HIVEP3: variants seen among roughly 807,000 people sequenced by gnomAD.
HIVEP3 encodes transcription factor HIVEP3.
HIVEP3 carries 49 observed loss-of-function variants against 152.8 expected under a neutral mutation model. That is an observed-to-expected ratio of 0.32 (90% confidence interval 0.26 to 0.41). The LOEUF is 0.41. Ranked by LOEUF, HIVEP3 falls within the 10% of genes least tolerant of loss-of-function variation. The pLI, the probability that HIVEP3 is intolerant of heterozygous loss-of-function variation, is 1.00. For synonymous variants in HIVEP3, 1,269 were observed against 1,289.0 expected, an observed-to-expected ratio of 0.98 and a Z score of 0.33; for missense variants, 2,790 against 3,103.3, an observed-to-expected ratio of 0.90 and a Z score of 2.40.
At chr1:41,619,130 C>T (rs915256721) in intron 3 of HIVEP3, among the ~76,000 whole-genome samples, 1 of 152,136 alleles carries the variant, frequency 6.6e-6, no homozygotes, top group African/African-American at 2.4e-5. Context: ...CTCCTCTGCT[C>T]CTGTGCCCCC....
At position 41,583,273 on chromosome 1, in the gene HIVEP3, G is replaced by C; in HGVS notation, c.1525C>G (p.Leu509Val). 6.2e-7 allele frequency: 1 copy of C among 1,613,402 alleles called. No individual in the cohort carries two copies. The highest frequency in any genetic ancestry group is 8.5e-7 in the Non-Finnish European group (1 of 1,179,824). The change falls in exon 4 of 9, where the codon CTG becomes GTG. Residue 509 changes from leucine to valine, a missense_variant. Physicochemically the swap from Leu to Val is conservative, Grantham distance 32. Transcript: ENST00000372583. The surrounding 1 kb of genome is among the most constrained non-coding windows in gnomAD (Gnocchi z 6.9). ...SPKSSLYREP[L>V]SSHSEKTKPE... ...TTGGTTTTCTCACTGTGGGATGACA[G>C]GGGCTCCCGGTAGAGGCTGGATTTT... is the stretch of plus-strand genomic sequence containing the variant.
intron 2 of HIVEP3, among the ~76,000 whole-genome samples, chr1:41,653,040 T>C (rs1431676821): frequency 1.1e-5 from 1 of 91,072 alleles, no homozygotes; most frequent in East Asian, 4.5e-3. Flanking sequence ...GCTAACAAAG[T>C]GGGAAAAAAT....
chr1:41,549,787 T>C (rs777574476), intron 5 of HIVEP3, among the ~76,000 whole-genome samples: 8 of 152,230 alleles, frequency 5.3e-5, no homozygotes, highest in Non-Finnish European at 1.0e-4. Context: ...CTTTGTCAGA[T>C]TGGTAGATTG....
chr1:41,545,399 TACC>T (rs1643743882), intron 5 of HIVEP3, among the ~76,000 whole-genome samples: 1 of 6,042 alleles, frequency 1.7e-4, no homozygotes, highest in Non-Finnish European at 4.0e-4. Context: ...CCAATACCAC[TACC>T]ACCAATACCA....
intron 1 of HIVEP3, among the ~76,000 whole-genome samples, chr1:41,843,137 G>T (rs2124371832): frequency 6.6e-6 from 1 of 152,274 alleles, no homozygotes. Flanking sequence ...CTAAAAGCAG[G>T]CACAAGCAGT....
chr1:41,581,685 G>A lies in HIVEP3; in HGVS notation c.3113C>T (p.Pro1038Leu), dbSNP rs745862715. The A allele has an allele frequency of 6.2e-7, 1 of 1,613,970 alleles. No individual in the cohort carries two copies. Among genetic ancestry groups the A allele is most frequent in the African/African-American group, 1.3e-5 (1 of 74,940 alleles). Residue 1038 changes from proline to leucine, a missense_variant, in exon 4 of 9, where the codon CCA becomes CTA. Pro to Leu is a moderately conservative substitution (Grantham distance 98). This residue lies in a region of HIVEP3 where 1,078 missense variants were observed against 1,165.3 expected (regional missense o/e 0.93). Coordinates refer to ENST00000372583, the MANE Select transcript of HIVEP3 (RefSeq NM_024503.5). This position sits in a 1 kb window ranked among gnomAD's most constrained non-coding sequence, Gnocchi z 4.5. ...CACCAAGAAGCATTTTCTTCTCTCT[G>A]GCGGGGCCACCCGCGCTGGTGGAGC... ...PVAPPARVAP[P>L]ERRKCFLVRQ...
chr1:41,911,516 T>C (rs1644795886), intron 1 of HIVEP3, among the ~76,000 whole-genome samples: 1 of 152,196 alleles, frequency 6.6e-6, no homozygotes, highest in African/African-American at 2.4e-5. Context: ...ATGCCCATAG[T>C]CTGTGGCCAG....
intron 3 of HIVEP3, among the ~76,000 whole-genome samples, chr1:41,616,354 T>A (rs1249556708): frequency 1.3e-5 from 2 of 152,182 alleles, no homozygotes; most frequent in African/African-American, 4.8e-5. Flanking sequence ...AGGACGTGTC[T>A]TGGCATGTAT....
chr1:41,754,630 G>T (rs1647234078), intron 1 of HIVEP3, among the ~76,000 whole-genome samples: 1 of 152,142 alleles, frequency 6.6e-6, no homozygotes, highest in Non-Finnish European at 1.5e-5. Context: ...AGGGAAAAAG[G>T]AGTCAGCAGG....
intron 1 of HIVEP3, chr1:41,864,781 T>C (rs1360255820): frequency 1.3e-5 from 2 of 152,232 alleles, no homozygotes; most frequent in Non-Finnish European, 2.9e-5. Context: ...AGATTGCAAA[T>C]TGCTTTAGCA....
chr1:41,549,145 T>C (rs1275447887), intron 5 of HIVEP3, among the ~76,000 whole-genome samples: 1 of 152,092 alleles, frequency 6.6e-6, no homozygotes, highest in Non-Finnish European at 1.5e-5. Context: ...GTCCTTGTGA[T>C]AGTTTGCTCA....
intron 1 of HIVEP3, among the ~76,000 whole-genome samples, chr1:41,732,190 C>A (rs923804489): frequency 2.0e-5 from 3 of 152,158 alleles, no homozygotes; most frequent in Non-Finnish European, 4.4e-5. Context: ...AGCCATGGTG[C>A]AGCTTGGGCC....
intron 3 of HIVEP3, among the ~76,000 whole-genome samples, chr1:41,616,531 C>G (rs1365594379): frequency 6.6e-6 from 1 of 150,752 alleles, no homozygotes; most frequent in Non-Finnish European, 1.5e-5. Context: ...AGAGGCTGCT[C>G]TCAGGAGGCC....
chr1:41,749,240 G>C (rs1331107560), intron 1 of HIVEP3, among the ~76,000 whole-genome samples: 1 of 152,182 alleles, frequency 6.6e-6, no homozygotes, highest in African/African-American at 2.4e-5. Flanking sequence ...GGCACTCCTG[G>C]TAGGGATGGG....
At chr1:41,545,033 C>T (rs1432750728) in intron 5 of HIVEP3, among the ~76,000 whole-genome samples, 2 of 91,240 alleles carry the variant, frequency 2.2e-5, no homozygotes, top group Admixed American at 9.5e-5. Flanking sequence ...CCACCACCAC[C>T]ACCAATACCA....
rs201215002 is a variant in HIVEP3 at position 41,581,927 on chromosome 1, G to A, written c.2871C>T (p.Ala957=). The change falls in exon 4 of 9, where the codon GCC becomes GCT. Residue 957 remains alanine, a synonymous_variant. Transcript: ENST00000372583. This position sits in a 1 kb window ranked among gnomAD's most constrained non-coding sequence, Gnocchi z 4.5. ...TGTCAGATGAGGGACTGGGGGCCTC[G>A]GCTTTCCCATGGTCATCCCTCTCAA... ...ASFERDDHGK[A]EAPSPSSDMR... 7.4e-5 allele frequency: 119 copies of A among 1,614,020 alleles called. No homozygotes were observed. Among genetic ancestry groups the A allele is most frequent in the African/African-American group, 6.7e-5 (5 of 74,898 alleles).
At chr1:41,843,346 T>C (rs1643344165) in intron 1 of HIVEP3, among the ~76,000 whole-genome samples, 1 of 152,234 alleles carries the variant, frequency 6.6e-6, no homozygotes. Flanking sequence ...TTTTTGTGCA[T>C]ATATTTTTAA....
At chr1:41,679,354 C>T (rs1646004416) in intron 2 of HIVEP3, among the ~76,000 whole-genome samples, 1 of 152,158 alleles carries the variant, frequency 6.6e-6, no homozygotes, top group Non-Finnish European at 1.5e-5. Flanking sequence ...TGATTTGGGC[C>T]CATTTGTCAG....
At chr1:41,963,746 G>A (rs1645182325) in intron 1 of HIVEP3, among the ~76,000 whole-genome samples, 1 of 152,068 alleles carries the variant, frequency 6.6e-6, no homozygotes, top group Admixed American at 6.5e-5. Flanking sequence ...AGCTTCCTAA[G>A]CATGAAGAAG....
Sources: gnomAD v4.1 joint callset for allele counts (sites outside exome capture counted in the v4.1 genomes callset) on GRCh38, gnomAD v4.1.1 for gene constraint, gnomAD v4.1.1 regional missense constraint, Gnocchi (gnomAD v3.1) non-coding constraint, MANE v1.5 for transcripts, NCBI Gene and HGNC (gene_info 2026-07-23, HGNC 2026-07-21) for gene names.